KIAA1958: variants seen among roughly 807,000 people sequenced by gnomAD.
The protein encoded by KIAA1958 is KIAA1958.
A neutral mutation model predicts 47.2 loss-of-function variants in KIAA1958; 14 were observed. That is an observed-to-expected ratio of 0.30 (90% CI 0.20 to 0.46). The LOEUF is 0.46. Ranked by LOEUF, KIAA1958 falls within the 20% of genes least tolerant of loss-of-function variation. The pLI is 1.00. For synonymous variants in KIAA1958, 354 were observed against 353.3 expected, an observed-to-expected ratio of 1.00 and a Z score of -0.02; for missense variants, 803 against 909.2, an observed-to-expected ratio of 0.88 and a Z score of 1.50.
At chr9:112,556,740 G>A (rs1835248530) in intron 1 of KIAA1958, among the ~76,000 whole-genome samples, 2 of 152,326 alleles carry the variant, frequency 1.3e-5, no homozygotes, top group Admixed American at 1.3e-4. Flanking sequence ...TTAATCTAGG[G>A]AGTGTTGCAG....
chr9:112,509,441 T>C (rs1834287211), intron 1 of KIAA1958, among the ~76,000 whole-genome samples: 1 of 151,268 alleles, frequency 6.6e-6, no homozygotes, highest in African/African-American at 2.4e-5. Context: ...CCTCAGGTGA[T>C]CCACCCTCCT....
At chr9:112,620,016 C>T (rs577666738) in intron 2 of KIAA1958, among the ~76,000 whole-genome samples, 1 of 152,208 alleles carries the variant, frequency 6.6e-6, no homozygotes, top group African/African-American at 2.4e-5. Flanking sequence ...TATTTTGTTA[C>T]CAGATTTTGC....
chr9:112,594,881 T>A (rs917301004), intron 2 of KIAA1958, among the ~76,000 whole-genome samples: 5 of 152,248 alleles, frequency 3.3e-5, no homozygotes, highest in African/African-American at 1.2e-4. Context: ...TCCACATCCC[T>A]GCCAACATGT....
In KIAA1958 at chr9:112,574,767, C is replaced by T. The variant is rs1247938649; in HGVS notation, c.687C>T (p.Ser229=). ...GAGGAGTAGATGGACCAGCCCTGTC[C>T]TTGACACAGATGGCAAAACCCAAGC... ...LTGGVDGPAL[S]LTQMAKPKPQ... The change falls in exon 2 of 4, where the codon TCC becomes TCT. Residue 229 remains serine, a synonymous_variant. Coordinates refer to ENST00000337530, the MANE Select transcript of KIAA1958 (RefSeq NM_133465.4). The T allele has an allele frequency of 2.5e-6, 4 of 1,613,962 alleles. No homozygotes were observed. The East Asian group carries it at 8.9e-5, about 36-fold the overall frequency.
At chr9:112,564,994 G>A (rs1326769446) in intron 1 of KIAA1958, among the ~76,000 whole-genome samples, 1 of 152,148 alleles carries the variant, frequency 6.6e-6, no homozygotes, top group Non-Finnish European at 1.5e-5. Context: ...GGTGTGATGA[G>A]TCATAACAGT....
rs528437518 is a variant in KIAA1958, at chr9:112,522,027, A to G, written c.-25+34909A>G. Among the ~76,000 whole-genome samples, 241 of 151,906 alleles carry G rather than the reference A, an allele frequency of 1.6e-3. 1 individual carries two copies. The highest frequency in any genetic ancestry group is 5.7e-3 in the African/African-American group (238 of 41,414). On this transcript the variant is annotated intron_variant, in intron 1 of 3. Transcript: ENST00000337530. ...GCTCTTGTTACCCAGGCTGGAGTGC[A>G]GTGGTGCAATCTTGGCTCACTGCAA...
Position 112,665,117 on chromosome 9 carries a change from A to G in KIAA1958, c.*5048A>G, listed in dbSNP as rs867828935. The G allele has an allele frequency of 3.9e-5, 6 of 152,242 alleles. No homozygotes were observed. The highest frequency in any genetic ancestry group is 2.6e-4 in the Admixed American group (4 of 15,288). The allele number at this position is 152,242 out of a possible 1,614,324, so 9.4% of individuals were successfully genotyped here. ...AAGACCAAAAAAATCACTGGATAAT[A>G]TGTAGATATATTTTAGTTCCATTAC... On this transcript the variant is annotated 3_prime_UTR_variant, in exon 4 of 4. Transcript: ENST00000337530.
chr9:112,566,030 A>G (rs1372447474), intron 1 of KIAA1958, among the ~76,000 whole-genome samples: 1 of 152,088 alleles, frequency 6.6e-6, no homozygotes, highest in African/African-American at 2.4e-5. Context: ...CAGCCTCCCC[A>G]GTAGTTGGGA....
intron 2 of KIAA1958, among the ~76,000 whole-genome samples, chr9:112,626,281 C>T (rs1057183615): frequency 6.6e-6 from 1 of 152,084 alleles, no homozygotes; most frequent in Non-Finnish European, 1.5e-5. Flanking sequence ...AATATTTAAA[C>T]GTTTCACAAA....
intron 1 of KIAA1958, among the ~76,000 whole-genome samples, chr9:112,552,410 T>C (rs1430489067): frequency 6.6e-6 from 1 of 152,224 alleles, no homozygotes; most frequent in Non-Finnish European, 1.5e-5. Flanking sequence ...TAATCCACTC[T>C]CAGTGTTCAC....
chr9:112,609,179 A>G (rs1483072287), intron 2 of KIAA1958, among the ~76,000 whole-genome samples: 2 of 152,210 alleles, frequency 1.3e-5, no homozygotes, highest in African/African-American at 4.8e-5. Flanking sequence ...TCACAATATA[A>G]CTATAAACTC....
chr9:112,528,371 C>G (rs1458862281), intron 1 of KIAA1958, among the ~76,000 whole-genome samples: 1 of 152,184 alleles, frequency 6.6e-6, no homozygotes, highest in Non-Finnish European at 1.5e-5. Flanking sequence ...TCCTTTGCCA[C>G]CTACCACCCT....
intron 3 of KIAA1958, among the ~76,000 whole-genome samples, chr9:112,651,223 C>T (rs932265980): frequency 1.3e-5 from 2 of 151,974 alleles, no homozygotes; most frequent in Non-Finnish European, 2.9e-5. Context: ...AAATTCTTTC[C>T]AAATGCCATG....
chr9:112,534,108 T>C (rs1834812269), intron 1 of KIAA1958, among the ~76,000 whole-genome samples: 1 of 152,254 alleles, frequency 6.6e-6, no homozygotes, highest in African/African-American at 2.4e-5. Context: ...GTGCCTTCAT[T>C]TCCTCATCTG....
chr9:112,554,281 C>T (rs538164983), intron 1 of KIAA1958, among the ~76,000 whole-genome samples: 48 of 152,160 alleles, frequency 3.2e-4, no homozygotes, highest in Non-Finnish European at 6.3e-4. Flanking sequence ...GGGCGGATCA[C>T]GAGGTCAGGA....
intron 3 of KIAA1958, among the ~76,000 whole-genome samples, 168 bp downstream of exon 3, chr9:112,645,990 C>T (rs1415236976): frequency 6.6e-6 from 1 of 151,686 alleles, no homozygotes; most frequent in East Asian, 1.9e-4. Context: ...ATTTAACAAG[C>T]GTTTTATGAA....
At chr9:112,594,992 A>G (rs754161581) in intron 2 of KIAA1958, among the ~76,000 whole-genome samples, 3 of 152,184 alleles carry the variant, frequency 2.0e-5, no homozygotes, top group South Asian at 2.1e-4. Flanking sequence ...GCATCTTTTT[A>G]TGTGTTTCTG....
chr9:112,513,549 G>A (rs946559760), intron 1 of KIAA1958, among the ~76,000 whole-genome samples: 6 of 111,060 alleles, frequency 5.4e-5, no homozygotes, highest in Non-Finnish European at 1.1e-4. Context: ...GGACAGTCGC[G>A]GCGCTGACGC....
chr9:112,654,652 C>A (rs1211226887), intron 3 of KIAA1958, among the ~76,000 whole-genome samples: 1 of 149,834 alleles, frequency 6.7e-6, no homozygotes, highest in Non-Finnish European at 1.5e-5. Flanking sequence ...AGAGAGCTTA[C>A]CACCTGCAAG....
Sources: allele counts gnomAD v4.1 joint callset (sites outside exome capture counted in the v4.1 genomes callset), GRCh38; gene constraint gnomAD v4.1.1; transcripts MANE v1.5; gene names NCBI Gene and HGNC (gene_info 2026-07-23, HGNC 2026-07-21).